HS3ST3A1: variants seen among roughly 807,000 people sequenced by gnomAD.
HS3ST3A1 encodes heparan sulfate glucosamine 3-O-sulfotransferase 3A1.
HS3ST3A1 carries 19 observed loss-of-function variants against 25.7 expected under a neutral mutation model. The observed-to-expected ratio is 0.74, with a 90% CI of 0.52 to 1.08. The LOEUF is 1.08. Ranked by LOEUF, HS3ST3A1 falls within the 50% of genes least tolerant of loss-of-function variation. The probability of loss-of-function intolerance (pLI) is 0.00; values close to 1 mark genes in which losing one functional copy is unlikely to be tolerated. For missense variants in HS3ST3A1, 459 were observed against 594.3 expected (o/e 0.77, Z 2.37); for synonymous variants, 226 against 278.6 (o/e 0.81, Z 1.88).
chr17:13,555,680 T>C (rs1037111797), intron 1 of HS3ST3A1, among the ~76,000 whole-genome samples: 1 of 152,204 alleles, frequency 6.6e-6, no homozygotes, highest in Non-Finnish European at 1.5e-5. Flanking sequence ...AAATATGTCA[T>C]TTTTTCATAA....
intron 1 of HS3ST3A1, among the ~76,000 whole-genome samples, chr17:13,584,421 T>G (rs1908192799): frequency 8.1e-6 from 1 of 124,138 alleles, no homozygotes; most frequent in African/African-American, 3.1e-5. Flanking sequence ...ACCTGCAATT[T>G]CCAAAAAAAA....
rs1455341933 is a variant in HS3ST3A1 at position 13,526,472 on chromosome 17, TTTTATATATATA to T, written c.600-29666_600-29655del. ...TATTGAACTTGGATACAACTTTAAT[TTTTATATATATA>T]TATATATATATATATATATATATAT... On this transcript the variant is annotated intron_variant, in intron 1 of 1. Transcript: ENST00000284110. Among the ~76,000 whole-genome samples, 415 of 58,358 alleles carry T rather than the reference TTTTATATATATA, an allele frequency of 7.1e-3. 15 individuals carry two copies. The highest frequency in any genetic ancestry group is 0.018 in the East Asian group (34 of 1,900). The allele number at this position is 58,358 out of a possible 152,430, so 38.3% of individuals were successfully genotyped here.
chr17:13,501,768 G>T (rs1212399377), intron 1 of HS3ST3A1, among the ~76,000 whole-genome samples: 1 of 152,178 alleles, frequency 6.6e-6, no homozygotes, highest in African/African-American at 2.4e-5. Context: ...GTGACACCCA[G>T]TGTTCTGAAT....
chr17:13,579,800 G>A (rs1321827800), intron 1 of HS3ST3A1, among the ~76,000 whole-genome samples: 2 of 148,566 alleles, frequency 1.3e-5, no homozygotes, highest in African/African-American at 5.0e-5. Context: ...GGGAAACCCT[G>A]TCTCTACTAA....
At chr17:13,534,765 C>T (rs947583275) in intron 1 of HS3ST3A1, among the ~76,000 whole-genome samples, 2 of 151,914 alleles carry the variant, frequency 1.3e-5, no homozygotes, top group Admixed American at 6.6e-5. Context: ...GTGGCTCACA[C>T]CTGTAATCCC....
intron 1 of HS3ST3A1, among the ~76,000 whole-genome samples, chr17:13,599,909 G>C (rs1248725828): frequency 6.6e-6 from 1 of 152,172 alleles, no homozygotes; most frequent in East Asian, 1.9e-4. Flanking sequence ...CTCATTCCTT[G>C]CCCTCAAACA....
chr17:13,586,615 C>T (rs1324490593), intron 1 of HS3ST3A1, among the ~76,000 whole-genome samples: 10 of 151,804 alleles, frequency 6.6e-5, no homozygotes, highest in Admixed American at 2.6e-4. Flanking sequence ...CGCCTGTAAT[C>T]CCAACACTTT....
chr17:13,500,498 A>G (rs563440822), intron 1 of HS3ST3A1, among the ~76,000 whole-genome samples: 1 of 152,354 alleles, frequency 6.6e-6, no homozygotes, highest in East Asian at 1.9e-4. Flanking sequence ...GTGGGCACTG[A>G]TAAATCACGT....
In HS3ST3A1 at chr17:13,551,861, C is replaced by A. The variant is rs544435791; in HGVS notation, c.599+48670G>T. On this transcript the variant is annotated intron_variant, in intron 1 of 1. Coordinates refer to ENST00000284110, the MANE Select transcript of HS3ST3A1 (RefSeq NM_006042.3). ...TTCCTCTTCCTCTTGTATGTTTTTT[C>A]TTATATAATTTAACTTGAGGATTAC... Among the ~76,000 whole-genome samples the A allele has an allele frequency of 2.6e-5, 4 of 152,122 alleles. No individual in the cohort carries two copies. The East Asian group carries it at 7.8e-4, about 30-fold the overall frequency.
chr17:13,549,309 GA>G (rs2142354321), intron 1 of HS3ST3A1, among the ~76,000 whole-genome samples: 2 of 152,190 alleles, frequency 1.3e-5, no homozygotes, highest in Admixed American at 1.3e-4. Context: ...ACATCCGAAG[GA>G]ACAAACTCTG....
chr17:13,600,506 C>A, intron 1 of HS3ST3A1, 25 bp downstream of exon 1: 2 of 1,566,536 alleles, frequency 1.3e-6, no homozygotes, highest in Non-Finnish European at 1.7e-6. Context: ...ATCCTTCAGC[C>A]CCAGCCCGGG....
chr17:13,561,275 C>A (rs1023882902), intron 1 of HS3ST3A1, among the ~76,000 whole-genome samples: 1 of 152,152 alleles, frequency 6.6e-6, no homozygotes, highest in South Asian at 2.1e-4. Context: ...TTCTTGTCCA[C>A]CCCTACCTAA....
At chr17:13,562,008 A>G (rs945848542) in intron 1 of HS3ST3A1, among the ~76,000 whole-genome samples, 6 of 152,126 alleles carry the variant, frequency 3.9e-5, no homozygotes, top group African/African-American at 1.4e-4. Context: ...GAAACCTGTA[A>G]TTGACAAAGT....
intron 1 of HS3ST3A1, among the ~76,000 whole-genome samples, chr17:13,588,137 T>G (rs1250781261): frequency 1.3e-5 from 2 of 152,166 alleles, no homozygotes. Context: ...AAAGTTTTAT[T>G]GGAACACAGC....
chr17:13,507,324 G>A (rs1301202511), intron 1 of HS3ST3A1, among the ~76,000 whole-genome samples: 1 of 152,154 alleles, frequency 6.6e-6, no homozygotes, highest in Non-Finnish European at 1.5e-5. Context: ...TTTCACAGAT[G>A]GGGAAATAGG....
chr17:13,515,471 G>GTTTTTTTTTTT (rs33924561), intron 1 of HS3ST3A1, among the ~76,000 whole-genome samples: 7 of 107,792 alleles, frequency 6.5e-5, no homozygotes, highest in Admixed American at 1.0e-4. Context: ...GTTTGTTTCA[G>GTTTTTTTTTTT]TTTTTTTTTT....
chr17:13,578,740 G>C (rs1001173677), intron 1 of HS3ST3A1, among the ~76,000 whole-genome samples: 2 of 152,096 alleles, frequency 1.3e-5, no homozygotes, highest in African/African-American at 2.4e-5. Context: ...TAGATTTTTA[G>C]CATAACACCA....
chr17:13,528,971 G>A (rs189944539), intron 1 of HS3ST3A1, among the ~76,000 whole-genome samples: 1 of 152,070 alleles, frequency 6.6e-6, no homozygotes, highest in Admixed American at 6.5e-5. Flanking sequence ...TGGGAAATAC[G>A]GGATCCAACA....
rs551607489 is a variant in HS3ST3A1 at position 13,527,721 on chromosome 17, G to A, written c.600-30903C>T. ...CCAATGTATTCCCATTCTGCTCATT[G>A]ATTTTCCTCCTTTTACAAACAAACA... On this transcript the variant is annotated intron_variant, in intron 1 of 1. Coordinates refer to ENST00000284110, the MANE Select transcript of HS3ST3A1 (RefSeq NM_006042.3). 2.6e-4 allele frequency among the ~76,000 whole-genome samples: 40 copies of A among 152,312 alleles called. No individual in the cohort carries two copies. In the South Asian group the frequency reaches 4.4e-3, roughly 17 times the overall value.
Sources: gnomAD v4.1 joint callset for allele counts (sites outside exome capture counted in the v4.1 genomes callset) on GRCh38, gnomAD v4.1.1 for gene constraint, MANE v1.5 for transcripts, NCBI Gene and HGNC (gene_info 2026-07-23, HGNC 2026-07-21) for gene names.